Variants in PDE10A observed in about 807,000 individuals in gnomAD.
PDE10A encodes phosphodiesterase 10A.
In PDE10A, 39 loss-of-function variants were observed where a neutral mutation model predicts 97.7. The ratio of observed to expected loss-of-function variants is 0.40; its 90% CI spans 0.31 to 0.52. PDE10A has a LOEUF of 0.52. PDE10A is among the 20% of genes least tolerant of loss of function. The probability of loss-of-function intolerance (pLI) is 0.56; values close to 1 mark genes in which losing one functional copy is unlikely to be tolerated. For missense variants in PDE10A, 731 were observed against 1,047.8 expected, an observed-to-expected ratio of 0.70 and a Z score of 4.17; for synonymous variants, 371 against 376.8, an observed-to-expected ratio of 0.98 and a Z score of 0.18.
intron 1 of PDE10A, among the ~76,000 whole-genome samples, chr6:165,939,257 C>T (rs879537939): frequency 2.0e-5 from 3 of 152,160 alleles, no homozygotes; most frequent in Non-Finnish European, 4.4e-5. Context: ...ATAGCAAGTG[C>T]AGATGGTGAA....
intron 1 of PDE10A, among the ~76,000 whole-genome samples, chr6:165,787,647 A>C (rs1778531667): frequency 6.6e-6 from 1 of 152,238 alleles, no homozygotes; most frequent in South Asian, 2.1e-4. Flanking sequence ...TTAGTTATCT[A>C]ACTACCTTTA....
intron 1 of PDE10A, 89 bp from the exon 2 acceptor site, chr6:165,543,657 C>T: frequency 2.1e-6 from 2 of 970,638 alleles, no homozygotes; most frequent in South Asian, 1.8e-5. Context: ...TATGCTAAGA[C>T]CCAGCAACCT....
chr6:165,927,647 CATAT>C (rs71029572), intron 1 of PDE10A, among the ~76,000 whole-genome samples: 1,196 of 73,228 alleles, frequency 0.016, 33 homozygotes, highest in African/African-American at 0.028. Context: ...ATGAGAATGA[CATAT>C]ATATATATAT....
At chr6:165,425,769 T>TTGTGTGTGTGTGTG (rs766723327) in intron 10 of PDE10A, among the ~76,000 whole-genome samples, 933 of 56,696 alleles carry the variant, frequency 0.016, 9 homozygotes, top group African/African-American at 0.064. Context: ...GAAGGCATGA[T>TTGTGTGTGTGTGTG]CGTGTGTGTG....
chr6:165,478,806 C>T (rs1453513991), intron 3 of PDE10A, among the ~76,000 whole-genome samples: 3 of 152,168 alleles, frequency 2.0e-5, no homozygotes, highest in Non-Finnish European at 4.4e-5. Context: ...AAAGCTTGGG[C>T]TCCAAAACCC....
chr6:165,690,806 G>A (rs896762675), intron 1 of PDE10A, among the ~76,000 whole-genome samples: 9 of 152,184 alleles, frequency 5.9e-5, no homozygotes, highest in African/African-American at 1.7e-4. Flanking sequence ...ACTGAGCCAC[G>A]GGATGCCCAG....
intron 18 of PDE10A, among the ~76,000 whole-genome samples, chr6:165,361,153 G>A (rs1051415673): frequency 3.9e-5 from 6 of 152,026 alleles, no homozygotes; most frequent in African/African-American, 7.2e-5. Flanking sequence ...TAATAAATGC[G>A]TTCATCAAGG....
At chr6:165,965,456 A>C (rs2128499385) in intron 1 of PDE10A, among the ~76,000 whole-genome samples, 1 of 152,110 alleles carries the variant, frequency 6.6e-6, no homozygotes, top group East Asian at 1.9e-4. Flanking sequence ...GCTGAGGATA[A>C]CTCTTGGAGT....
intron 1 of PDE10A, among the ~76,000 whole-genome samples, chr6:165,815,332 T>C (rs1453069940): frequency 1.8e-4 from 27 of 152,202 alleles, no homozygotes; most frequent in Admixed American, 1.8e-3. Context: ...TTTTGAAATA[T>C]TGTCATGGAA....
intron 3 of PDE10A, among the ~76,000 whole-genome samples, chr6:165,463,461 C>A (rs1351653909): frequency 1.3e-5 from 2 of 152,244 alleles, no homozygotes; most frequent in Non-Finnish European, 2.9e-5. Context: ...CTTAAAGGAG[C>A]TGCAGACAAA....
intron 13 of PDE10A, among the ~76,000 whole-genome samples, chr6:165,403,983 A>C (rs1786895778): frequency 6.6e-6 from 1 of 152,236 alleles, no homozygotes; most frequent in African/African-American, 2.4e-5. Flanking sequence ...GTTGGATAAA[A>C]GGAATATGTT....
At chr6:165,608,095 C>CATGTATATATATATGTGT (rs1491517857) in intron 1 of PDE10A, among the ~76,000 whole-genome samples, 2 of 147,074 alleles carry the variant, frequency 1.4e-5, no homozygotes, top group African/African-American at 5.1e-5. Context: ...TATATATGTG[C>CATGTATATATATATGTGT]ATATATATAC....
chr6:165,818,977 GT>G (rs1268476206), intron 1 of PDE10A, among the ~76,000 whole-genome samples: 1 of 152,158 alleles, frequency 6.6e-6, no homozygotes, highest in Non-Finnish European at 1.5e-5. Flanking sequence ...TCAATTCAAT[GT>G]ATATAAAATG....
intron 1 of PDE10A, among the ~76,000 whole-genome samples, chr6:165,681,394 A>ATGTGTGTGTGTG (rs145137771): frequency 0.01 from 1,538 of 150,516 alleles, 23 homozygotes; most frequent in African/African-American, 0.035. Flanking sequence ...TCTTGGGAAA[A>ATGTGTGTGTGTG]TGTGTGTGTG....
chr6:165,601,666 T>A (rs527537446), intron 1 of PDE10A, among the ~76,000 whole-genome samples: 1 of 152,350 alleles, frequency 6.6e-6, no homozygotes, highest in Non-Finnish European at 1.5e-5. Flanking sequence ...GGTAACTACT[T>A]AGTGTTTCTC....
rs532573177 is a variant in PDE10A at position 165,482,347 on chromosome 6, G to A, written c.995-4C>T. Reference sequence around the variant, plus strand: ...ACTTCCTTAGGAGCTGATTCATCTGGGGATAGAGAAGGAAGAGGGAAAAAC... The same window carrying A: ...ACTTCCTTAGGAGCTGATTCATCTGAGGATAGAGAAGGAAGAGGGAAAAAC... On this transcript the variant is annotated splice_region_variant and splice_polypyrimidine_tract_variant and intron_variant, in intron 2 of 21. Transcript: ENST00000539869. The A allele has an allele frequency of 8.1e-6, 13 of 1,599,936 alleles. No homozygotes were observed. In the East Asian group the frequency reaches 2.5e-4, roughly 30 times the overall value.
At chr6:165,656,258 TCACACACACACACA>T (rs3083000) in intron 1 of PDE10A, among the ~76,000 whole-genome samples, 13 of 129,916 alleles carry the variant, frequency 1.0e-4, no homozygotes, top group Admixed American at 4.5e-4. Context: ...TCTCTCTCTC[TCACACACACACACA>T]CACACACACA....
At chr6:165,752,994 G>A (rs937934025) in intron 1 of PDE10A, among the ~76,000 whole-genome samples, 25 of 152,258 alleles carry the variant, frequency 1.6e-4, no homozygotes, top group African/African-American at 3.6e-4. Flanking sequence ...AGAATTCCAC[G>A]CCCATTTATG....
intron 1 of PDE10A, among the ~76,000 whole-genome samples, chr6:165,753,156 A>C (rs1793045815): frequency 6.6e-6 from 1 of 152,240 alleles, no homozygotes; most frequent in Non-Finnish European, 1.5e-5. Flanking sequence ...TCAATCAAAT[A>C]TTTTTAATGA....
Sources: gnomAD v4.1 joint callset for allele counts (sites outside exome capture counted in the v4.1 genomes callset) on GRCh38, gnomAD v4.1.1 for gene constraint, MANE v1.5 for transcripts, NCBI Gene and HGNC (gene_info 2026-07-23, HGNC 2026-07-21) for gene names.